The following PIK3CA variants were observed in gnomAD, a reference collection of about 807,000 sequenced individuals.
PIK3CA encodes the protein phosphatidylinositol 4,5-bisphosphate 3-kinase catalytic subunit alpha isoform.
Under a neutral mutation model 138.2 loss-of-function variants are expected in PIK3CA, and 27 were observed. The observed-to-expected ratio is 0.20, with a 90% CI of 0.14 to 0.27. The LOEUF is 0.27. PIK3CA is among the 10% of genes least tolerant of loss of function. PIK3CA has a pLI of 1.00. For missense variants in PIK3CA, 544 were observed against 1,277.4 expected (o/e 0.43, Z 8.75); for synonymous variants, 358 against 413.2 (o/e 0.87, Z 1.62).
At chr3:179,179,937 G>C (rs949307334) in intron 1 of PIK3CA, among the ~76,000 whole-genome samples, 2 of 152,050 alleles carry the variant, frequency 1.3e-5, no homozygotes, top group African/African-American at 2.4e-5. Flanking sequence ...CAATAAATGT[G>C]AATATGAGGT....
chr3:179,175,847 T>A (rs1202196528), intron 1 of PIK3CA, among the ~76,000 whole-genome samples: 1 of 152,206 alleles, frequency 6.6e-6, no homozygotes, highest in Non-Finnish European at 1.5e-5. Context: ...CTGTTTCATT[T>A]TGGTCTCAAT....
At chr3:179,150,169 A>ACG (rs1447019852) in intron 1 of PIK3CA, among the ~76,000 whole-genome samples, 4 of 105,392 alleles carry the variant, frequency 3.8e-5, no homozygotes, top group African/African-American at 1.8e-4. Context: ...GTGTGTGTTT[A>ACG]CGTGTGTGTG....
intron 1 of PIK3CA, among the ~76,000 whole-genome samples, chr3:179,194,200 C>T (rs565936384): frequency 2.6e-5 from 4 of 152,204 alleles, no homozygotes; most frequent in African/African-American, 9.6e-5. Context: ...TCATTTTTAG[C>T]TCAAAATACT....
chr3:179,199,974 CTTT>C (rs762831149), intron 3 of PIK3CA, 75 bp downstream of exon 3: 68 of 688,706 alleles, frequency 9.9e-5, no homozygotes, highest in South Asian at 2.1e-4. Flanking sequence ...TTTGTATAGT[CTTT>C]TTTTTTTTTT....
rs1724886930 is a variant in PIK3CA at position 179,218,268 on chromosome 3, C to A, written c.1598C>A (p.Ala533Glu). The stretch of plus-strand genomic sequence containing the variant: ...GAAAATGACAAAGAACAGCTCAAAG[C>A]AATTTCTACACGAGATCCTCTCTCT... ...LRENDKEQLK[A>E]ISTRDPLSEI... The change falls in exon 10 of 21, where the codon GCA becomes GAA. Residue 533 changes from alanine (A) to glutamate (E), a missense_variant. Physicochemically the swap from Ala to Glu is moderately radical, Grantham distance 107. Coordinates refer to ENST00000263967, the MANE Select transcript of PIK3CA (RefSeq NM_006218.4). The A allele has an allele frequency of 1.2e-6, 2 of 1,611,116 alleles. No homozygotes were observed. Among genetic ancestry groups the A allele is most frequent in the Non-Finnish European group, 1.7e-6 (2 of 1,178,216 alleles).
intron 1 of PIK3CA, among the ~76,000 whole-genome samples, chr3:179,150,013 G>GTT (rs138116887): frequency 3.9e-4 from 58 of 149,852 alleles, no homozygotes; most frequent in African/African-American, 1.2e-3. Flanking sequence ...TAAGTTTTTG[G>GTT]TGTTTTTTTT....
intron 1 of PIK3CA, among the ~76,000 whole-genome samples, chr3:179,178,652 T>A (rs1249599358): frequency 2.0e-5 from 3 of 152,220 alleles, no homozygotes; most frequent in African/African-American, 7.2e-5. Context: ...GTTCCATGGT[T>A]CGCTAGGACA....
chr3:179,209,590 C>T lies in PIK3CA; in HGVS notation c.1146-5C>T. On this transcript the variant is annotated splice_region_variant and splice_polypyrimidine_tract_variant and intron_variant, in intron 6 of 20. Coordinates refer to ENST00000263967, the MANE Select transcript of PIK3CA (RefSeq NM_006218.4). ...GTATTATTTTTGCTTTAAAATTTTA[C>T]ATAGGTGGAATGAATGGCTGAATTA... 1.3e-6 allele frequency: 2 copies of T among 1,569,692 alleles called. No individual in the cohort carries two copies. The highest frequency in any genetic ancestry group is 1.2e-5 in the South Asian group (1 of 86,110).
intron 1 of PIK3CA, among the ~76,000 whole-genome samples, chr3:179,159,666 A>G (rs953188298): frequency 7.9e-5 from 12 of 152,192 alleles, no homozygotes; most frequent in Admixed American, 2.0e-4. Context: ...AAACATAAAA[A>G]CGTGACAAAA....
rs2108431689 is a variant in PIK3CA, at chr3:179,235,876, A to G, written c.*1512A>G. 1 of 213,026 alleles carries G rather than the reference A, an allele frequency of 4.7e-6. No individual in the cohort carries two copies. Among genetic ancestry groups the G allele is most frequent in the East Asian group, 7.0e-5 (1 of 14,280 alleles). 13.2% of individuals were successfully genotyped at this position (213,026 alleles called of 1,614,324 possible). On this transcript the variant is annotated 3_prime_UTR_variant, in exon 21 of 21. Coordinates refer to ENST00000263967, the MANE Select transcript of PIK3CA (RefSeq NM_006218.4). ...TGAAAAACATTAACCCAAGATGTAG[A>G]GGCTACTGCTAGTCGTCATTCTAGA...
chr3:179,162,129 AC>A (rs1420274582), intron 1 of PIK3CA, among the ~76,000 whole-genome samples: 1 of 152,184 alleles, frequency 6.6e-6, no homozygotes, highest in African/African-American at 2.4e-5. Flanking sequence ...TATAAAACAT[AC>A]AGAAATCTGA....
intron 1 of PIK3CA, among the ~76,000 whole-genome samples, chr3:179,178,832 T>C (rs1723769138): frequency 6.6e-6 from 1 of 152,174 alleles, no homozygotes; most frequent in Admixed American, 6.5e-5. Context: ...ACACACTTAA[T>C]TCCCCCAGCA....
chr3:179,228,739 T>A (rs937223423), intron 17 of PIK3CA, among the ~76,000 whole-genome samples: 1 of 152,096 alleles, frequency 6.6e-6, no homozygotes, highest in African/African-American at 2.4e-5. Context: ...TGAAATATGT[T>A]ACTTATATTA....
At chr3:179,165,205 T>C (rs1345204270) in intron 1 of PIK3CA, among the ~76,000 whole-genome samples, 5 of 152,180 alleles carry the variant, frequency 3.3e-5, no homozygotes, top group African/African-American at 9.6e-5. Flanking sequence ...TTCACACTGC[T>C]ATTACAATAA....
rs121913285 is a variant in PIK3CA, at chr3:179,218,286, C to T, written c.1616C>T (p.Pro539Leu). 1 of 1,611,360 alleles carries T rather than the reference C, an allele frequency of 6.2e-7. No homozygotes were observed. The highest frequency in any genetic ancestry group is 8.5e-7 in the Non-Finnish European group (1 of 1,178,366). The stretch of plus-strand genomic sequence containing the variant: ...CTCAAAGCAATTTCTACACGAGATC[C>T]TCTCTCTGAAATCACTGAGCAGGAG... Reference protein sequence around the residue: ...EQLKAISTRDPLSEITEQEKD... With the variant: ...EQLKAISTRDLLSEITEQEKD... The change falls in exon 10 of 21, where the codon CCT becomes CTT. Residue 539 changes from proline to leucine, a missense_variant. Pro to Leu is a moderately conservative substitution (Grantham distance 98). Transcript: ENST00000263967.
intron 6 of PIK3CA, among the ~76,000 whole-genome samples, chr3:179,209,373 T>G (rs1201222936): frequency 6.6e-6 from 1 of 152,170 alleles, no homozygotes; most frequent in East Asian, 1.9e-4. Context: ...TATAGTGATA[T>G]CTCCATGAGA....
At chr3:179,169,516 AT>A (rs1039329775) in intron 1 of PIK3CA, among the ~76,000 whole-genome samples, 1 of 151,804 alleles carries the variant, frequency 6.6e-6, no homozygotes. Flanking sequence ...GTTAAAATTC[AT>A]TTTTTTTCAG....
intron 1 of PIK3CA, among the ~76,000 whole-genome samples, chr3:179,177,828 GT>G (rs1200191696): frequency 6.6e-6 from 1 of 152,070 alleles, no homozygotes; most frequent in East Asian, 1.9e-4. Context: ...CTTATTCATA[GT>G]TTTTGCTCAT....
rs535598682 is a variant in PIK3CA at position 179,234,449 on chromosome 3, G to C, written c.*85G>C. On this transcript the variant is annotated 3_prime_UTR_variant, in exon 21 of 21. Transcript: ENST00000263967. The surrounding 1 kb of genome is among the most constrained non-coding windows in gnomAD (Gnocchi z 5.1). ...TCAGCAGGCAAAGACCGATTGCATAGGAATTGCACAATCCATGAACAGCAT... is the reference window on the plus strand; with the variant it reads ...TCAGCAGGCAAAGACCGATTGCATACGAATTGCACAATCCATGAACAGCAT... 13 of 1,073,102 alleles carry C rather than the reference G, an allele frequency of 1.2e-5. No homozygotes were observed. In the Admixed American group the frequency reaches 3.0e-4, roughly 24 times the overall value. 66.5% of individuals were successfully genotyped at this position (1,073,102 alleles called of 1,614,324 possible). A position where few individuals can be genotyped will look rare whatever the true frequency, so the allele number is the denominator to read the frequency against.
Sources: allele counts gnomAD v4.1 joint callset (sites outside exome capture counted in the v4.1 genomes callset), GRCh38; gene constraint gnomAD v4.1.1; non-coding constraint Gnocchi (gnomAD v3.1); transcripts MANE v1.5; gene names NCBI Gene and HGNC (gene_info 2026-07-23, HGNC 2026-07-21).